Variants in ARHGAP39 observed in about 807,000 individuals in gnomAD.
ARHGAP39 encodes the protein Rho GTPase activating protein 39.
Under a neutral mutation model 106.9 loss-of-function variants are expected in ARHGAP39, and 44 were observed. The observed-to-expected ratio is 0.41, with a 90% confidence interval of 0.32 to 0.53. The LOEUF (loss-of-function observed/expected upper bound fraction) is 0.53, where lower values mean the gene tolerates loss of function less well. Among genes scored for constraint, ARHGAP39 ranks in the 20% least tolerant of loss-of-function variants. The probability of loss-of-function intolerance (pLI) is 0.21; values close to 1 mark genes in which losing one functional copy is unlikely to be tolerated. For synonymous variants in ARHGAP39, 768 were observed against 693.2 expected (o/e 1.11, Z -1.69); for missense variants, 1,496 against 1,577.3 (o/e 0.95, Z 0.87).
intron 6 of ARHGAP39, 30 bp downstream of exon 6, chr8:144,545,219 G>A: frequency 6.7e-7 from 1 of 1,484,116 alleles, no homozygotes; most frequent in Non-Finnish European, 9.0e-7. Flanking sequence ...CCTTACCTGA[G>A]CTGGTGGCAA....
chr8:144,601,055 CGT>C (rs1469030643), intron 2 of ARHGAP39, among the ~76,000 whole-genome samples: 10 of 131,126 alleles, frequency 7.6e-5, no homozygotes, highest in Non-Finnish European at 9.4e-5. Flanking sequence ...CACATGGAGG[CGT>C]GCGTGCGAGC....
At position 144,604,237 on chromosome 8, in the gene ARHGAP39, C is replaced by T. The variant is rs1297308492; in HGVS notation, c.80+1298G>A. Among the ~76,000 whole-genome samples the T allele has an allele frequency of 1.3e-5, 2 of 152,102 alleles. No homozygotes were observed. Among genetic ancestry groups the T allele is most frequent in the South Asian group, 2.1e-4 (1 of 4,824 alleles). On this transcript the variant is annotated intron_variant, in intron 2 of 11. Coordinates refer to ENST00000377307, the MANE Select transcript of ARHGAP39 (RefSeq NM_025251.3). This position sits in a 1 kb window ranked among gnomAD's most constrained non-coding sequence, Gnocchi z 4.1. ...CGGGGGGTGCGGGCGAGGCCTCTGT[C>T]GGGGTCAGAGGTCATGTTGCCAGGT...
chr8:144,576,654 A>G lies in ARHGAP39; in HGVS notation c.512+4192T>C, dbSNP rs141933319. On this transcript the variant is annotated intron_variant, in intron 3 of 11. Coordinates refer to ENST00000377307, the MANE Select transcript of ARHGAP39 (RefSeq NM_025251.3). ...CAAAACGAATAACAAATTCAAAATT[A>G]TGATAATCCAATACCAATTCTCTGA... Among the ~76,000 whole-genome samples, 300 of 152,376 alleles carry G rather than the reference A, an allele frequency of 2.0e-3. 1 individual carries two copies. The highest frequency in any genetic ancestry group is 6.9e-3 in the African/African-American group (286 of 41,588).
intron 2 of ARHGAP39, among the ~76,000 whole-genome samples, chr8:144,596,545 G>C (rs565487545): frequency 1.3e-5 from 2 of 152,350 alleles, no homozygotes; most frequent in African/African-American, 4.8e-5. Context: ...ATTCACTCGT[G>C]GGGTGAATCC....
At chr8:144,597,209 C>A (rs1356881091) in intron 2 of ARHGAP39, among the ~76,000 whole-genome samples, 3 of 152,206 alleles carry the variant, frequency 2.0e-5, no homozygotes, top group Non-Finnish European at 4.4e-5. Flanking sequence ...GTGAAGCCAG[C>A]AGGAGATGCG....
chr8:144,529,250 C>T lies in ARHGAP39; in HGVS notation c.*1172G>A, dbSNP rs1347628528. ...CCATGCGTCGGGGCGAGCGTCTCAG[C>T]CGGGCGGGACCGCAAAGGCCCCGGG... On this transcript the variant is annotated 3_prime_UTR_variant, in exon 12 of 12. Transcript: ENST00000377307. 3.1e-5 allele frequency: 7 copies of T among 228,758 alleles called. No homozygotes were observed. The highest frequency in any genetic ancestry group is 1.4e-3 in the Middle Eastern group (1 of 720). The allele number at this position is 228,758 out of a possible 1,614,324, so 14.2% of individuals were successfully genotyped here. A position where few individuals can be genotyped will look rare whatever the true frequency, so the allele number is the denominator to read the frequency against.
chr8:144,532,980 T>C (rs954141523), intron 9 of ARHGAP39, 146 bp downstream of exon 9: 2 of 1,014,862 alleles, frequency 2.0e-6, no homozygotes, highest in African/African-American at 1.6e-5. Flanking sequence ...GCTTCCACAC[T>C]GTGGCCCCAC....
Position 144,646,356 on chromosome 8 carries a change from G to A in ARHGAP39, c.-82+39330C>T, listed in dbSNP as rs116222324. ...CTGGGAGTTGGCAGGAACAGAGAGC[G>A]GGAGGGGAGGGAGTGAAACTTCGTA... On this transcript the variant is annotated intron_variant, in intron 1 of 11. Transcript: ENST00000377307. This position sits in a 1 kb window ranked among gnomAD's most constrained non-coding sequence, Gnocchi z 5.7. Among the ~76,000 whole-genome samples the A allele has an allele frequency of 8.9e-3, 1,352 of 152,304 alleles. 24 individuals are homozygous for A. Among genetic ancestry groups the A allele is most frequent in the African/African-American group, 0.03 (1,260 of 41,546 alleles).
chr8:144,649,899 C>T (rs956786429), intron 1 of ARHGAP39, among the ~76,000 whole-genome samples: 4 of 152,124 alleles, frequency 2.6e-5, no homozygotes, highest in African/African-American at 9.7e-5. Context: ...AATCCCAGCA[C>T]TTTGGAAAGC....
At position 144,679,872 on chromosome 8, in the gene ARHGAP39, T is replaced by C. The variant is rs972141665; in HGVS notation, c.-82+5814A>G. On this transcript the variant is annotated intron_variant, in intron 1 of 11. Transcript: ENST00000377307. This position sits in a 1 kb window ranked among gnomAD's most constrained non-coding sequence, Gnocchi z 4.7. ...GTAGGCACCTGTAGTCCCAGTTACT[T>C]GGGAGGCTGAGGCAGGAGAATGGCG... is the stretch of plus-strand genomic sequence containing the variant. Among the ~76,000 whole-genome samples the C allele has an allele frequency of 2.2e-4, 34 of 152,032 alleles. No individual in the cohort carries two copies. Among genetic ancestry groups the C allele is most frequent in the Non-Finnish European group, 4.3e-4 (29 of 67,990 alleles).
chr8:144,681,553 T>G (rs1822418858), intron 1 of ARHGAP39, among the ~76,000 whole-genome samples: 1 of 152,180 alleles, frequency 6.6e-6, no homozygotes, highest in Non-Finnish European at 1.5e-5. Context: ...TTCATGGACT[T>G]TTTTTCAACA....
intron 1 of ARHGAP39, among the ~76,000 whole-genome samples, chr8:144,620,739 C>T (rs1820784217): frequency 6.6e-6 from 1 of 152,238 alleles, no homozygotes; most frequent in African/African-American, 2.4e-5. Context: ...AGTGGGCTGC[C>T]CTGAGCACCG....
chr8:144,593,145 C>T (rs1309403323), intron 2 of ARHGAP39, among the ~76,000 whole-genome samples: 1 of 152,216 alleles, frequency 6.6e-6, no homozygotes, highest in East Asian at 1.9e-4. Flanking sequence ...GCGGAACAAC[C>T]TTCCTGCAGC....
intron 1 of ARHGAP39, among the ~76,000 whole-genome samples, chr8:144,632,549 G>A (rs373853815): frequency 1.3e-5 from 2 of 152,240 alleles, no homozygotes; most frequent in South Asian, 2.1e-4. Flanking sequence ...GGGCAGAGCC[G>A]GGTCTGGGCC....
chr8:144,548,940 C>T lies in ARHGAP39; in HGVS notation c.597-451G>A, dbSNP rs549940230. Among the ~76,000 whole-genome samples the T allele has an allele frequency of 1.0e-3, 152 of 152,330 alleles. 1 individual carries two copies. The highest frequency in any genetic ancestry group is 3.6e-3 in the African/African-American group (149 of 41,586). ...AAGGCACACCACCAGAATCCCACGG[C>T]CCCATTCTCCGACTGGGAGCTCCTG... On this transcript the variant is annotated intron_variant, in intron 4 of 11. Transcript: ENST00000377307. This position sits in a 1 kb window ranked among gnomAD's most constrained non-coding sequence, Gnocchi z 7.4.
At position 144,605,525 on chromosome 8, in the gene ARHGAP39, G is replaced by A. The variant is rs375719593; in HGVS notation, c.80+10C>T. 6.8e-6 allele frequency: 11 copies of A among 1,613,500 alleles called. No homozygotes were observed. The African/African-American group carries it at 1.3e-4, about 20-fold the overall frequency. On this transcript the variant is annotated intron_variant, in intron 2 of 11. Transcript: ENST00000377307. ...GCCCGGGCAGCTCCGCAGGTCGGTCGGCTCCTTACCGAGTGTTCGACCCTG... is the reference window on the plus strand; with the variant it reads ...GCCCGGGCAGCTCCGCAGGTCGGTCAGCTCCTTACCGAGTGTTCGACCCTG...
At chr8:144,627,107 AG>A (rs1027241553) in intron 1 of ARHGAP39, among the ~76,000 whole-genome samples, 14 of 152,208 alleles carry the variant, frequency 9.2e-5, no homozygotes, top group African/African-American at 3.4e-4. Flanking sequence ...CCCCTCACAA[AG>A]GAGCCAGGCC....
intron 3 of ARHGAP39, among the ~76,000 whole-genome samples, chr8:144,568,850 A>T (rs1293346077): frequency 2.0e-5 from 3 of 151,896 alleles, no homozygotes; most frequent in African/African-American, 7.3e-5. Context: ...GGTGAATTTT[A>T]AAATGCTCGA....
intron 1 of ARHGAP39, among the ~76,000 whole-genome samples, chr8:144,635,580 C>A (rs919377628): frequency 3.3e-5 from 5 of 152,192 alleles, no homozygotes. Flanking sequence ...GTGTGGGAAC[C>A]CCGATTTGTA....
Sources: gnomAD v4.1 joint callset for allele counts (sites outside exome capture counted in the v4.1 genomes callset) on GRCh38, gnomAD v4.1.1 for gene constraint, Gnocchi (gnomAD v3.1) non-coding constraint, MANE v1.5 for transcripts, NCBI Gene and HGNC (gene_info 2026-07-23, HGNC 2026-07-21) for gene names.